DICER1: variants seen among roughly 807,000 people sequenced by gnomAD.
DICER1 encodes the protein endoribonuclease Dicer.
DICER1 carries 43 observed loss-of-function variants against 194.1 expected under a neutral mutation model. The observed-to-expected ratio is 0.22, with a 90% confidence interval of 0.17 to 0.29. The LOEUF (loss-of-function observed/expected upper bound fraction) is 0.29. DICER1 is among the 10% of genes least tolerant of loss of function. The pLI, the probability that DICER1 is intolerant of heterozygous loss-of-function variation, is 1.00. For synonymous variants in DICER1, 832 were observed against 820.5 expected (o/e 1.01, Z -0.24); for missense variants, 1,608 against 2,317.0 (o/e 0.69, Z 6.28).
Position 95,118,316 on chromosome 14 carries a change from C to T in DICER1, c.1377-562G>A, listed in dbSNP as rs181663432. On this transcript the variant is annotated intron_variant, in intron 8 of 26. Transcript: ENST00000343455. ...AGAGTTCCAGCTGCGATTTCTTTTC[C>T]TCTTATCCTATCACCTGATATCATT... Among the ~76,000 whole-genome samples the T allele has an allele frequency of 3.1e-4, 47 of 152,314 alleles. No individual in the cohort carries two copies. In the East Asian group the frequency reaches 8.7e-3, roughly 28 times the overall value.
At chr14:95,142,562 A>G (rs1894887589) in intron 1 of DICER1, among the ~76,000 whole-genome samples, 1 of 152,224 alleles carries the variant, frequency 6.6e-6, no homozygotes, top group African/African-American at 2.4e-5. Context: ...CTATTACAAA[A>G]TTATTGCTAA....
intron 8 of DICER1, among the ~76,000 whole-genome samples, chr14:95,119,900 C>G (rs1044736293): frequency 1.1e-4 from 16 of 152,214 alleles, no homozygotes; most frequent in African/African-American, 1.4e-4. Flanking sequence ...TTGTACTTAA[C>G]TCATGACATA....
Position 95,112,200 on chromosome 14 carries a change from G to A in DICER1, c.2088C>T (p.Leu696=), listed in dbSNP as rs1418214292. 1 of 1,613,796 alleles carries A rather than the reference G, an allele frequency of 6.2e-7. No homozygotes were observed. The highest frequency in any genetic ancestry group is 1.3e-5 in the African/African-American group (1 of 74,840). The part of the protein sequence containing the change: ...CVRLAERVVA[L]ICCEKLHKIG... The stretch of plus-strand genomic sequence containing the variant: ...TTTTGTGCAGTTTCTCACAGCAAAT[G>A]AGAGCTACAACTCTTTCAGCCAATC... Residue 696 remains leucine (L), a synonymous_variant, in exon 13 of 27, where the codon CTC becomes CTT. Coordinates refer to ENST00000343455, the MANE Select transcript of DICER1 (RefSeq NM_177438.3).
chr14:95,096,312 A>G lies in DICER1; in HGVS notation c.4608T>C (p.Gly1536=), dbSNP rs1890331241. Residue 1536 remains glycine, a synonymous_variant, in exon 23 of 27, where the codon GGT becomes GGC. Coordinates refer to ENST00000343455, the MANE Select transcript of DICER1 (RefSeq NM_177438.3). ...AAATGGACTGCTTTCCCGTGTCAAC[A>G]CCACAGTTTTCTTCTGATGGATTCC... ...GFWNPSEENC[G]VDTGKQSISY... 4 of 1,614,206 alleles carry G rather than the reference A, an allele frequency of 2.5e-6. No homozygotes were observed. The highest frequency in any genetic ancestry group is 8.5e-7 in the Non-Finnish European group (1 of 1,180,046).
rs749159825 is a variant in DICER1 at position 95,106,202 on chromosome 14, A to T, written c.2826T>A (p.Pro942=). 11 of 1,613,958 alleles carry T rather than the reference A, an allele frequency of 6.8e-6. No individual in the cohort carries two copies. Among genetic ancestry groups the T allele is most frequent in the Non-Finnish European group, 9.3e-6 (11 of 1,179,916 alleles). ...IIPRYRNFDQ[P]HRFYVADVYT... ...ACACATCAGCTACATAAAATCGATG[A>T]GGCTGATCAAAATTGCGATATCTAA... The change falls in exon 18 of 27, where the codon CCT becomes CCA. Residue 942 remains proline, a synonymous_variant. Coordinates refer to ENST00000343455, the MANE Select transcript of DICER1 (RefSeq NM_177438.3).
intron 23 of DICER1, among the ~76,000 whole-genome samples, chr14:95,094,923 C>CTG (rs142940366): frequency 0.035 from 5,371 of 152,282 alleles, 338 homozygotes; most frequent in African/African-American, 0.12. Flanking sequence ...GAAGCAGGGA[C>CTG]TGCTAGGCGA....
In DICER1 at chr14:95,096,437, A is replaced by G. The variant is rs767679076; in HGVS notation, c.4483T>C (p.Ser1495Pro). Residue 1495 changes from serine (S) to proline (P), a missense_variant, in exon 23 of 27, where the codon TCA (serine) becomes CCA (proline). Around this residue, in one of 10 missense-constraint regions of DICER1, gnomAD observed 164 missense variants for 183.7 expected, o/e 0.89. Transcript: ENST00000343455. ...KKSSLGSMPF[S>P]SDFEDFDYSS... ...TAGTCAAAATCCTCAAAATCTGATGAAAATGGCATACTACCTAAGGAGGAT... is the reference window on the plus strand; with the variant it reads ...TAGTCAAAATCCTCAAAATCTGATGGAAATGGCATACTACCTAAGGAGGAT... 7.4e-6 allele frequency: 12 copies of G among 1,614,252 alleles called. No homozygotes were observed.
chr14:95,149,066 G>A (rs1895334570), intron 1 of DICER1, among the ~76,000 whole-genome samples: 1 of 152,152 alleles, frequency 6.6e-6, no homozygotes, highest in East Asian at 1.9e-4. Flanking sequence ...TGAGACTACA[G>A]GCACATACTT....
chr14:95,103,991 T>C lies in DICER1; in HGVS notation c.3405A>G (p.Gln1135=), dbSNP rs1555369669. 1.2e-6 allele frequency: 2 copies of C among 1,614,220 alleles called. No homozygotes were observed. The highest frequency in any genetic ancestry group is 1.7e-6 in the Non-Finnish European group (2 of 1,180,028). The part of the protein sequence containing the change: ...STIVPENAAH[Q]GANRTSSLEN... ...CTAGAGAGGAGGTTCTATTAGCACC[T>C]TGATGTGCAGCATTTTCAGGGACAA... The change falls in exon 21 of 27, where the codon CAA becomes CAG. Residue 1135 remains glutamine, a synonymous_variant. Transcript: ENST00000343455.
chr14:95,099,513 T>A (rs550728727), intron 22 of DICER1, among the ~76,000 whole-genome samples: 1 of 151,966 alleles, frequency 6.6e-6, no homozygotes, highest in Non-Finnish European at 1.5e-5. Context: ...AGTCAAAACA[T>A]CACATACTCT....
intron 1 of DICER1, among the ~76,000 whole-genome samples, chr14:95,152,164 G>C (rs1895556342): frequency 1.3e-5 from 2 of 152,188 alleles, no homozygotes; most frequent in African/African-American, 4.8e-5. Flanking sequence ...AACAGAGTTA[G>C]TCTGTGCCAA....
chr14:95,131,397 T>C, intron 4 of DICER1, 112 bp downstream of exon 4: 3 of 1,001,608 alleles, frequency 3.0e-6, no homozygotes, highest in Admixed American at 1.9e-5. Flanking sequence ...TGATTAAGTA[T>C]AGGAAATTAG....
chr14:95,126,843 A>T (rs1893513638), intron 6 of DICER1, 95 bp from the exon 7 acceptor site: 5 of 647,524 alleles, frequency 7.7e-6, no homozygotes, highest in South Asian at 7.5e-5. Context: ...AAAAGGGAAT[A>T]GATACTAAAA....
Position 95,105,494 on chromosome 14 carries a change from T to C in DICER1, c.3093+184A>G, listed in dbSNP as rs1448756554. Among the ~76,000 whole-genome samples, 1 of 152,066 alleles carries C rather than the reference T, an allele frequency of 6.6e-6. No individual in the cohort carries two copies. Among genetic ancestry groups the C allele is most frequent in the Non-Finnish European group, 1.5e-5 (1 of 67,998 alleles). On this transcript the variant is annotated intron_variant, in intron 19 of 26. Transcript: ENST00000343455. The surrounding 1 kb of genome is among the most constrained non-coding windows in gnomAD (Gnocchi z 4.9). ...CTCTCAATACTTACCAAAAAGAACATTCAAATAACATTCAACACATAATAC... is the reference window on the plus strand; with the variant it reads ...CTCTCAATACTTACCAAAAAGAACACTCAAATAACATTCAACACATAATAC...
chr14:95,156,825 G>A (rs1895908933), intron 1 of DICER1, among the ~76,000 whole-genome samples: 2 of 152,252 alleles, frequency 1.3e-5, no homozygotes, highest in South Asian at 2.1e-4. Flanking sequence ...GGGTGCTCCG[G>A]CAGGTCAGGC....
chr14:95,130,321 A>C (rs1386867388), intron 4 of DICER1, 129 bp from the exon 5 acceptor site: 1 of 840,232 alleles, frequency 1.2e-6, no homozygotes, highest in Non-Finnish European at 1.9e-6. Flanking sequence ...AATTAAAACT[A>C]AAATACTAAA....
chr14:95,107,530 G>A (rs899028819), intron 17 of DICER1, 78 bp downstream of exon 17: 60 of 1,466,914 alleles, frequency 4.1e-5, no homozygotes, highest in East Asian at 9.1e-5. Context: ...GACTGCAGGC[G>A]TGAGCCACCG....
rs1321602726 is a variant in DICER1 at position 95,124,170 on chromosome 14, T to C, written c.1376+26A>G. 1 of 1,560,496 alleles carries C rather than the reference T, an allele frequency of 6.4e-7. No individual in the cohort carries two copies. The highest frequency in any genetic ancestry group is 1.4e-5 in the African/African-American group (1 of 73,846). On this transcript the variant is annotated intron_variant, in intron 8 of 26. Transcript: ENST00000343455. The surrounding 1 kb of genome is among the most constrained non-coding windows in gnomAD (Gnocchi z 4.5). Reference sequence around the variant, plus strand: ...CACAGGACGCCTCCCTGTTCTCATGTGAAAGGAGTCAACTTACAGATTTAC... The same window carrying C: ...CACAGGACGCCTCCCTGTTCTCATGCGAAAGGAGTCAACTTACAGATTTAC...
At chr14:95,106,275 T>A in intron 17 of DICER1, 52 bp from the exon 18 acceptor site, 1 of 1,362,868 alleles carries the variant, frequency 7.3e-7, no homozygotes, top group Non-Finnish European at 1.0e-6. Flanking sequence ...TTAAATCAAC[T>A]ATTCTCAAAA....
Sources: gnomAD v4.1 joint callset for allele counts (sites outside exome capture counted in the v4.1 genomes callset) on GRCh38, gnomAD v4.1.1 for gene constraint, gnomAD v4.1.1 regional missense constraint, Gnocchi (gnomAD v3.1) non-coding constraint, MANE v1.5 for transcripts, NCBI Gene and HGNC (gene_info 2026-07-23, HGNC 2026-07-21) for gene names.